Variants in SNX29 observed in about 807,000 individuals in gnomAD.
SNX29 encodes the protein sorting nexin 29, also known as sorting nexin-29.
In SNX29, 78 loss-of-function variants were observed where a neutral mutation model predicts 102.1. The ratio of observed to expected loss-of-function variants is 0.76; its 90% confidence interval spans 0.64 to 0.92. SNX29 has a LOEUF of 0.92. Ranked by LOEUF, SNX29 falls within the 40% of genes least tolerant of loss-of-function variation. The pLI, the probability that SNX29 is intolerant of heterozygous loss-of-function variation, is 0.00. For missense variants in SNX29, 1,280 were observed against 1,061.7 expected (o/e 1.21, Z -2.86); for synonymous variants, 580 against 414.5 (o/e 1.40, Z -4.85).
chr16:12,561,206 C>G (rs1181389676), intron 20 of SNX29: 5 of 230,650 alleles, frequency 2.2e-5, no homozygotes, highest in African/African-American at 1.1e-4. Context: ...CATCAGGACC[C>G]CCGCAGCCAT....
At chr16:12,179,094 C>T (rs1000120428) in intron 13 of SNX29, among the ~76,000 whole-genome samples, 1 of 152,024 alleles carries the variant, frequency 6.6e-6, no homozygotes, top group Non-Finnish European at 1.5e-5. Context: ...GTTTGTGTGT[C>T]TGTGTGTGTG....
At chr16:12,112,043 C>A (rs949029993) in intron 11 of SNX29, among the ~76,000 whole-genome samples, 1 of 152,212 alleles carries the variant, frequency 6.6e-6, no homozygotes, top group Non-Finnish European at 1.5e-5. Flanking sequence ...AGAGGTTGTG[C>A]GCAGAGGTTG....
intron 18 of SNX29, among the ~76,000 whole-genome samples, chr16:12,475,432 A>G (rs2087545770): frequency 6.6e-6 from 1 of 152,246 alleles, no homozygotes; most frequent in African/African-American, 2.4e-5. Context: ...AAATACTTGT[A>G]GCTTTGCAGG....
chr16:12,529,227 C>T (rs902790297), intron 20 of SNX29, among the ~76,000 whole-genome samples: 3 of 152,146 alleles, frequency 2.0e-5, no homozygotes, highest in African/African-American at 2.4e-5. Flanking sequence ...CAGTGTGGCC[C>T]AGGGGGGACC....
At chr16:12,494,247 A>G (rs2088696193) in intron 19 of SNX29, among the ~76,000 whole-genome samples, 1 of 151,760 alleles carries the variant, frequency 6.6e-6, no homozygotes, top group Non-Finnish European at 1.5e-5. Context: ...TTCACACTAG[A>G]CCCCACCATC....
intron 15 of SNX29, among the ~76,000 whole-genome samples, chr16:12,292,109 T>G (rs1163326653): frequency 2.0e-5 from 3 of 152,158 alleles, no homozygotes; most frequent in Non-Finnish European, 2.9e-5. Context: ...AATGTTCATT[T>G]CGAAGCTGGG....
chr16:12,398,487 G>C lies in SNX29; in HGVS notation c.1941G>C (p.Leu647Phe). The C allele has an allele frequency of 6.2e-7, 1 of 1,614,004 alleles. No homozygotes were observed. Among genetic ancestry groups the C allele is most frequent in the Non-Finnish European group, 8.5e-7 (1 of 1,179,882 alleles). ...DLSQTSEDQSLSDFEISNRAL... is the reference protein window; with the variant it reads ...DLSQTSEDQSFSDFEISNRAL... ...GTCAAACGTCCGAAGACCAGAGTTT[G>C]TCGGATTTTGAAATGTAAGTCCACA... The change falls in exon 17 of 21, where the codon TTG becomes TTC. Residue 647 changes from leucine to phenylalanine, a missense_variant. Transcript: ENST00000566228.
chr16:12,333,440 G>C (rs946130411), intron 15 of SNX29, among the ~76,000 whole-genome samples: 1 of 152,106 alleles, frequency 6.6e-6, no homozygotes, highest in Non-Finnish European at 1.5e-5. Flanking sequence ...TAGGATGTTG[G>C]TAGAGTTTTC....
At chr16:12,335,585 AGG>A (rs1191513389) in intron 15 of SNX29, among the ~76,000 whole-genome samples, 3 of 152,090 alleles carry the variant, frequency 2.0e-5, no homozygotes, top group Non-Finnish European at 2.9e-5. Flanking sequence ...CTGAGGTGGG[AGG>A]ATCTCTTGAG....
intron 20 of SNX29, among the ~76,000 whole-genome samples, chr16:12,543,762 A>G (rs746976018): frequency 3.3e-5 from 5 of 152,170 alleles, no homozygotes; most frequent in Non-Finnish European, 7.4e-5. Flanking sequence ...AGATTTTCCA[A>G]GTTTATTTTC....
At chr16:12,361,486 C>T (rs1006641330) in intron 16 of SNX29, among the ~76,000 whole-genome samples, 1 of 152,118 alleles carries the variant, frequency 6.6e-6, no homozygotes, top group African/African-American at 2.4e-5. Context: ...TGATATCAGT[C>T]AAAAATTTGG....
At chr16:12,030,844 A>T (rs779365941) in intron 4 of SNX29, among the ~76,000 whole-genome samples, 1 of 152,088 alleles carries the variant, frequency 6.6e-6, no homozygotes, top group Non-Finnish European at 1.5e-5. Context: ...GCCAGGGCTG[A>T]CAGGCAGCGG....
At chr16:12,187,371 G>A (rs1023969221) in intron 13 of SNX29, among the ~76,000 whole-genome samples, 4 of 152,126 alleles carry the variant, frequency 2.6e-5, no homozygotes, top group Non-Finnish European at 4.4e-5. Context: ...TCTGGCCAGC[G>A]GGGCAAAACC....
At chr16:12,246,507 G>A (rs949536667) in intron 14 of SNX29, among the ~76,000 whole-genome samples, 1 of 152,090 alleles carries the variant, frequency 6.6e-6, no homozygotes, top group Non-Finnish European at 1.5e-5. Context: ...TGGGTGTAGT[G>A]GCACACTCCT....
intron 14 of SNX29, among the ~76,000 whole-genome samples, chr16:12,250,690 G>C (rs1040736386): frequency 6.6e-6 from 1 of 152,234 alleles, no homozygotes; most frequent in Non-Finnish European, 1.5e-5. Flanking sequence ...TCTGTGCACA[G>C]GTGGTTGAAG....
intron 4 of SNX29, among the ~76,000 whole-genome samples, chr16:12,037,536 G>A (rs1222727840): frequency 2.0e-5 from 3 of 151,994 alleles, no homozygotes; most frequent in African/African-American, 7.3e-5. Context: ...CCATGGTTCC[G>A]GCCAGTTAAT....
rs187890144 is a variant in SNX29 at position 12,232,514 on chromosome 16, C to T, written c.1678+32831C>T. On this transcript the variant is annotated intron_variant, in intron 14 of 20. Transcript: ENST00000566228. ...CCAGGCTGGGCCACATAGTGAGACT[C>T]GGCCAGAAACAAACAAATAAATGCT... Among the ~76,000 whole-genome samples, 763 of 152,036 alleles carry T rather than the reference C, an allele frequency of 5.0e-3. 4 individuals carry two copies. The highest frequency in any genetic ancestry group is 0.018 in the African/African-American group (723 of 41,312).
chr16:12,405,559 T>C (rs2084126943), intron 18 of SNX29, among the ~76,000 whole-genome samples: 1 of 152,184 alleles, frequency 6.6e-6, no homozygotes, highest in Non-Finnish European at 1.5e-5. Flanking sequence ...CATGCAATTA[T>C]TTTTCTCTTT....
At chr16:12,382,151 A>T (rs564253012) in intron 16 of SNX29, among the ~76,000 whole-genome samples, 1 of 152,154 alleles carries the variant, frequency 6.6e-6, no homozygotes, top group Non-Finnish European at 1.5e-5. Context: ...TCATTCATTC[A>T]GGAGGTATTT....
Sources: allele counts gnomAD v4.1 joint callset (sites outside exome capture counted in the v4.1 genomes callset), GRCh38; gene constraint gnomAD v4.1.1; transcripts MANE v1.5; gene names NCBI Gene and HGNC (gene_info 2026-07-23, HGNC 2026-07-21).